The following NME7 variants were observed in gnomAD, a reference collection of about 807,000 sequenced individuals.
The protein encoded by NME7 is nucleoside diphosphate kinase 7.
A neutral mutation model predicts 49.1 loss-of-function variants in NME7; 41 were observed. That is an observed-to-expected ratio of 0.83 (90% CI 0.65 to 1.08). The LOEUF (loss-of-function observed/expected upper bound fraction) is 1.08, where lower values mean the gene tolerates loss of function less well. Ranked by LOEUF, NME7 falls within the 50% of genes least tolerant of loss-of-function variation. NME7 has a pLI of 0.00. For synonymous variants in NME7, 139 were observed against 150.6 expected, an observed-to-expected ratio of 0.92 and a Z score of 0.56; for missense variants, 423 against 463.4, an observed-to-expected ratio of 0.91 and a Z score of 0.80.
rs1157898867 is a variant in NME7, at chr1:169,314,899, G to A, written c.279-4819C>T. The stretch of plus-strand genomic sequence containing the variant: ...TGTTAACTAAAAGAAAGCCAGTGCA[G>A]CTATAGTAATATCAGAGAAAGTACA... On this transcript the variant is annotated intron_variant, in intron 3 of 11. Coordinates refer to ENST00000367811, the MANE Select transcript of NME7 (RefSeq NM_013330.5). Among the ~76,000 whole-genome samples, 6 of 152,292 alleles carry A rather than the reference G, an allele frequency of 3.9e-5. No individual in the cohort carries two copies. The East Asian group carries it at 1.2e-3, about 29-fold the overall frequency.
rs557099318 is a variant in NME7, at chr1:169,233,860, T to C, written c.888+1271A>G. 2.5e-4 allele frequency among the ~76,000 whole-genome samples: 38 copies of C among 152,042 alleles called. 1 individual carries two copies. The highest frequency in any genetic ancestry group is 6.2e-4 in the South Asian group (3 of 4,812). ...AACAAGTTTTCCAAAAACAGAAGAG[T>C]AAATTTTGTCTGCTCTTCTCCCTCC... On this transcript the variant is annotated intron_variant, in intron 9 of 11. Transcript: ENST00000367811.
chr1:169,258,892 C>A (rs1449528839), intron 7 of NME7, among the ~76,000 whole-genome samples: 2 of 132,428 alleles, frequency 1.5e-5, no homozygotes, highest in African/African-American at 2.6e-5. Context: ...GGCTCTAAAC[C>A]AGATATTCCA....
In NME7 at chr1:169,138,354, C is replaced by T. The variant is rs1437160925; in HGVS notation, c.1099-5537G>A. On this transcript the variant is annotated intron_variant, in intron 11 of 11. Transcript: ENST00000367811. ...TAAAAAAAAGACTAAATGAAAATGT[C>T]ACATTAAAATGACTATACATTTTTC... 2.6e-5 allele frequency among the ~76,000 whole-genome samples: 4 copies of T among 151,796 alleles called. No homozygotes were observed. The East Asian group carries it at 7.8e-4, about 30-fold the overall frequency.
At chr1:169,356,612 C>T (rs1000877504) in intron 1 of NME7, among the ~76,000 whole-genome samples, 1 of 152,260 alleles carries the variant, frequency 6.6e-6, no homozygotes, top group African/African-American at 2.4e-5. Context: ...TAGTCACCAA[C>T]TCTGTGTATC....
intron 10 of NME7, among the ~76,000 whole-genome samples, chr1:169,189,228 G>C (rs1660151506): frequency 6.6e-6 from 1 of 152,080 alleles, no homozygotes; most frequent in Non-Finnish European, 1.5e-5. Flanking sequence ...CAAAAATGTA[G>C]AGTTAACTTA....
chr1:169,309,751 A>G (rs1049629367), intron 4 of NME7, among the ~76,000 whole-genome samples: 2 of 152,104 alleles, frequency 1.3e-5, no homozygotes, highest in Non-Finnish European at 2.9e-5. Context: ...TATGGGCTTC[A>G]TGACACTGAA....
intron 7 of NME7, among the ~76,000 whole-genome samples, chr1:169,249,293 T>A (rs1034306523): frequency 2.0e-5 from 3 of 152,270 alleles, no homozygotes; most frequent in Admixed American, 6.5e-5. Flanking sequence ...ATGGTCATTG[T>A]TGGTGTATAG....
intron 1 of NME7, among the ~76,000 whole-genome samples, chr1:169,354,914 T>A (rs1246698234): frequency 8.4e-6 from 1 of 118,458 alleles, no homozygotes; most frequent in East Asian, 2.1e-4. Context: ...ATAAATATAA[T>A]AAAATATATA....
At chr1:169,218,697 A>C (rs1661050292) in intron 10 of NME7, among the ~76,000 whole-genome samples, 1 of 142,184 alleles carries the variant, frequency 7.0e-6, no homozygotes, top group Admixed American at 7.2e-5. Context: ...AATATAGCCC[A>C]ATGCCAATCA....
chr1:169,133,448 CAGAT>C (rs1272432005), intron 11 of NME7, among the ~76,000 whole-genome samples: 3 of 152,270 alleles, frequency 2.0e-5, no homozygotes, highest in African/African-American at 4.8e-5. Context: ...TACAGAGAGA[CAGAT>C]CTGGAGGCCA....
intron 7 of NME7, among the ~76,000 whole-genome samples, chr1:169,269,307 T>C (rs74121603): frequency 0.027 from 3,640 of 133,794 alleles, 525 homozygotes; most frequent in African/African-American, 0.088. Context: ...CTTGGTGCAA[T>C]TGATAAAATT....
At position 169,272,526 on chromosome 1, in the gene NME7, G is replaced by C. The variant is rs369142418; in HGVS notation, c.754+14777C>G. ...TATTCCTATTGTTCAGCTGCCACTG[G>C]TAAGTGAAAACATGCAGTGTTTGGT... On this transcript the variant is annotated intron_variant, in intron 7 of 11. Transcript: ENST00000367811. Among the ~76,000 whole-genome samples, 4 of 123,556 alleles carry C rather than the reference G, an allele frequency of 3.2e-5. 1 individual carries two copies. The South Asian group carries it at 7.7e-4, about 24-fold the overall frequency. 81.1% of individuals were successfully genotyped at this position (123,556 alleles called of 152,430 possible).
chr1:169,208,237 T>C (rs1481375905), intron 10 of NME7, among the ~76,000 whole-genome samples: 1 of 152,178 alleles, frequency 6.6e-6, no homozygotes, highest in Non-Finnish European at 1.5e-5. Context: ...AATTCTTTTC[T>C]TCAACTAGGA....
chr1:169,143,244 A>G (rs891228401), intron 11 of NME7, among the ~76,000 whole-genome samples: 1 of 145,856 alleles, frequency 6.9e-6, no homozygotes, highest in Non-Finnish European at 1.5e-5. Flanking sequence ...TGCATGGCCC[A>G]ATCTCTATTT....
At chr1:169,168,588 A>G (rs1235519297) in intron 11 of NME7, among the ~76,000 whole-genome samples, 1 of 152,128 alleles carries the variant, frequency 6.6e-6, no homozygotes. Flanking sequence ...CATGCCACTG[A>G]GCCTGGCTAG....
At chr1:169,195,510 G>T (rs1163831339) in intron 10 of NME7, among the ~76,000 whole-genome samples, 1 of 152,052 alleles carries the variant, frequency 6.6e-6, no homozygotes, top group African/African-American at 2.4e-5. Context: ...ACTATGTCTG[G>T]TCAAAAGATA....
chr1:169,230,989 AT>A (rs1327101388), intron 9 of NME7, among the ~76,000 whole-genome samples, 170 bp from the exon 10 acceptor site: 2 of 152,144 alleles, frequency 1.3e-5, no homozygotes, highest in Non-Finnish European at 2.9e-5. Context: ...CTTGAAGAAT[AT>A]TTTTTAGATA....
intron 10 of NME7, among the ~76,000 whole-genome samples, chr1:169,197,716 A>T (rs1435660507): frequency 1.3e-5 from 2 of 152,166 alleles, no homozygotes. Context: ...TTCACTCAAA[A>T]TGAATAAAAG....
intron 11 of NME7, 109 bp from the exon 12 acceptor site, chr1:169,132,926 C>CAAAG: frequency 1.4e-5 from 10 of 695,560 alleles, no homozygotes; most frequent in Non-Finnish European, 2.0e-5. Context: ...TACCCCTTCC[C>CAAAG]AAAGACACTA....
Sources: gnomAD v4.1 joint callset for allele counts (sites outside exome capture counted in the v4.1 genomes callset) on GRCh38, gnomAD v4.1.1 for gene constraint, MANE v1.5 for transcripts, NCBI Gene and HGNC (gene_info 2026-07-23, HGNC 2026-07-21) for gene names.